The following ELAVL4 variants were observed in gnomAD, a reference collection of about 807,000 sequenced individuals.
ELAVL4 encodes the protein ELAV like RNA binding protein 4.
A neutral mutation model predicts 35.6 loss-of-function variants in ELAVL4; 1 was observed. That is an observed-to-expected ratio of 0.03 (90% CI 0.01 to 0.13). ELAVL4 has a LOEUF of 0.13. ELAVL4 is among the 10% of genes least tolerant of loss of function. The pLI is 1.00. For missense variants in ELAVL4, 267 were observed against 464.9 expected (o/e 0.57, Z 3.91); for synonymous variants, 156 against 171.0 (o/e 0.91, Z 0.69).
At chr1:50,129,029 G>A (rs1008687291) in intron 1 of ELAVL4, among the ~76,000 whole-genome samples, 26 of 152,070 alleles carry the variant, frequency 1.7e-4, no homozygotes, top group Admixed American at 1.6e-3. Flanking sequence ...ATTAAGTGGG[G>A]TGGTGAGTGT....
chr1:50,152,102 A>C lies in ELAVL4; in HGVS notation c.250+6905A>C, dbSNP rs144704405. On this transcript the variant is annotated intron_variant, in intron 2 of 6. Transcript: ENST00000371824. ...GGTTTAGGGTTTGTGCAGGTACATT[A>C]TGCATCTTCTGACACAATTTTTTCC... Among the ~76,000 whole-genome samples the C allele has an allele frequency of 3.3e-3, 495 of 152,232 alleles. 6 individuals are homozygous for C. The highest frequency in any genetic ancestry group is 0.011 in the African/African-American group (473 of 41,556).
chr1:50,111,748 G>A (rs1049239182), intron 1 of ELAVL4, among the ~76,000 whole-genome samples: 1 of 152,078 alleles, frequency 6.6e-6, no homozygotes, highest in Non-Finnish European at 1.5e-5. Context: ...GTCTTTGGAC[G>A]TCTGGGACCC....
At position 50,112,401 on chromosome 1, in the gene ELAVL4, A is replaced by G. The variant is rs115390147; in HGVS notation, c.9+3203A>G. Among the ~76,000 whole-genome samples, 805 of 152,172 alleles carry G rather than the reference A, an allele frequency of 5.3e-3. 6 individuals carry two copies. The highest frequency in any genetic ancestry group is 0.017 in the Middle Eastern group (5 of 294). ...GTGGTTCTGATGCTGACCTTTCTCG[A>G]TCCTTTGTCTTAAAAATATTAATGC... On this transcript the variant is annotated intron_variant, in intron 1 of 6. Coordinates refer to ENST00000371824, the MANE Select transcript of ELAVL4 (RefSeq NM_001144774.3).
rs185336639 is a variant in ELAVL4 at position 50,123,173 on chromosome 1, G to A, written c.9+13975G>A. ...AGAATTTCAAGTTTATTGAGGGTGA[G>A]TGAGCTCAAATATTCATCTGTTTAT... On this transcript the variant is annotated intron_variant, in intron 1 of 6. Coordinates refer to ENST00000371824, the MANE Select transcript of ELAVL4 (RefSeq NM_001144774.3). 3.5e-3 allele frequency among the ~76,000 whole-genome samples: 525 copies of A among 152,114 alleles called. 3 individuals carry two copies. The highest frequency in any genetic ancestry group is 0.012 in the African/African-American group (501 of 41,522).
intron 1 of ELAVL4, among the ~76,000 whole-genome samples, chr1:50,076,566 T>C (rs1664775260): frequency 6.6e-6 from 1 of 152,120 alleles, no homozygotes; most frequent in Admixed American, 6.5e-5. Flanking sequence ...ATATACCCAG[T>C]GGAGAAGAGG....
chr1:50,154,969 T>C (rs1675466963), intron 2 of ELAVL4, among the ~76,000 whole-genome samples: 1 of 152,068 alleles, frequency 6.6e-6, no homozygotes, highest in Non-Finnish European at 1.5e-5. Context: ...GGAAATTTAG[T>C]AAATTAATTG....
chr1:50,060,576 AG>A (rs1557680584), intron 1 of ELAVL4, among the ~76,000 whole-genome samples: 1 of 152,212 alleles, frequency 6.6e-6, no homozygotes, highest in Non-Finnish European at 1.5e-5. Context: ...CTTACTATGG[AG>A]GAGGGCCTGG....
At chr1:50,196,857 TA>T (rs1427247929) in intron 5 of ELAVL4, among the ~76,000 whole-genome samples, 1 of 152,190 alleles carries the variant, frequency 6.6e-6, no homozygotes, top group East Asian at 1.9e-4. Context: ...TGAGGAAGAT[TA>T]TAGCGTAATG....
At chr1:50,171,474 C>A (rs1242476773) in intron 2 of ELAVL4, among the ~76,000 whole-genome samples, 3 of 152,120 alleles carry the variant, frequency 2.0e-5, no homozygotes, top group Admixed American at 2.0e-4. Context: ...GCACAGTAGG[C>A]CTGATGATAC....
At chr1:50,188,822 G>A (rs1682228862) in intron 3 of ELAVL4, among the ~76,000 whole-genome samples, 1 of 152,198 alleles carries the variant, frequency 6.6e-6, no homozygotes, top group Non-Finnish European at 1.5e-5. Flanking sequence ...GGGGAAGAGT[G>A]GATGAAGGGA....
upstream of ELAVL4, among the ~76,000 whole-genome samples, chr1:50,101,263 T>A (rs1665962305): frequency 6.6e-6 from 1 of 152,110 alleles, no homozygotes; most frequent in Non-Finnish European, 1.5e-5. Flanking sequence ...AACTACTGTA[T>A]GTAAGGGGTT....
chr1:50,193,830 C>G lies in ELAVL4; in HGVS notation c.420C>G (p.Pro140=). The stretch of plus-strand genomic sequence containing the variant: ...CTAACCTCTATGTTAGCGGCCTTCC[C>G]AAAACCATGACCCAGAAGGAACTGG... ...RDANLYVSGL[P]KTMTQKELEQ... The change falls in exon 4 of 7, where the codon CCC becomes CCG. Residue 140 remains proline, a synonymous_variant. Transcript: ENST00000371824. 6.2e-7 allele frequency: 1 copy of G among 1,614,106 alleles called. No individual in the cohort carries two copies. The highest frequency in any genetic ancestry group is 8.5e-7 in the Non-Finnish European group (1 of 1,179,986).
chr1:50,082,353 C>CT (rs1665045685), intron 1 of ELAVL4, among the ~76,000 whole-genome samples: 1 of 152,182 alleles, frequency 6.6e-6, no homozygotes, highest in South Asian at 2.1e-4. Context: ...TATTTCCTGA[C>CT]TTTTTAAAGA....
intron 1 of ELAVL4, among the ~76,000 whole-genome samples, chr1:50,084,854 T>G (rs927740830): frequency 2.6e-5 from 4 of 152,212 alleles, no homozygotes; most frequent in African/African-American, 9.6e-5. Context: ...TTCATAGCAC[T>G]TCTTATAACT....
At chr1:50,199,419 A>G (rs1456078690) in intron 6 of ELAVL4, among the ~76,000 whole-genome samples, 1 of 152,246 alleles carries the variant, frequency 6.6e-6, no homozygotes, top group African/African-American at 2.4e-5. Flanking sequence ...AGTGTATAGC[A>G]TCAAAAATCC....
intron 6 of ELAVL4, 75 bp downstream of exon 6, chr1:50,197,542 A>G: frequency 7.7e-7 from 1 of 1,299,110 alleles, no homozygotes; most frequent in Non-Finnish European, 1.0e-6. Flanking sequence ...TTTTTAATTC[A>G]CTAACTTTAC....
At chr1:50,170,984 G>A (rs549369090) in intron 2 of ELAVL4, among the ~76,000 whole-genome samples, 1 of 152,230 alleles carries the variant, frequency 6.6e-6, no homozygotes, top group South Asian at 2.1e-4. Flanking sequence ...AGCAAGCTGT[G>A]ATCATGCCAC....
chr1:50,122,150 GTCT>G (rs1179882655), intron 1 of ELAVL4, among the ~76,000 whole-genome samples: 1 of 151,986 alleles, frequency 6.6e-6, no homozygotes, highest in Non-Finnish European at 1.5e-5. Context: ...ACCCAGATTT[GTCT>G]GACTCCAGAA....
intron 3 of ELAVL4, 89 bp downstream of exon 3, chr1:50,177,281 G>A (rs2148827368): frequency 2.1e-6 from 2 of 961,996 alleles, no homozygotes; most frequent in Non-Finnish European, 3.3e-6. Flanking sequence ...TGTGGGGGCT[G>A]GAAGCAGTGT....
Sources: allele counts gnomAD v4.1 joint callset (sites outside exome capture counted in the v4.1 genomes callset), GRCh38; gene constraint gnomAD v4.1.1; transcripts MANE v1.5; gene names NCBI Gene and HGNC (gene_info 2026-07-23, HGNC 2026-07-21).